The following GRAMD1B variants were observed in gnomAD, a reference collection of about 807,000 sequenced individuals.
The protein encoded by GRAMD1B is protein Aster-B.
Under a neutral mutation model 99.7 loss-of-function variants are expected in GRAMD1B, and 37 were observed. The observed-to-expected ratio is 0.37, with a 90% CI of 0.29 to 0.49. The LOEUF is 0.49. Among genes scored for constraint, GRAMD1B ranks in the 20% least tolerant of loss-of-function variants. The probability of loss-of-function intolerance (pLI) is 0.98; values close to 1 mark genes in which losing one functional copy is unlikely to be tolerated. For synonymous variants in GRAMD1B, 427 were observed against 387.6 expected (o/e 1.10, Z -1.19); for missense variants, 888 against 1,009.2 (o/e 0.88, Z 1.63).
At chr11:123,389,846 A>G (rs1031426855) in intron 1 of GRAMD1B, among the ~76,000 whole-genome samples, 1 of 151,996 alleles carries the variant, frequency 6.6e-6, no homozygotes, top group African/African-American at 2.4e-5. Context: ...CCTGGGTTCA[A>G]GCGATTCTTG....
chr11:123,394,184 AAATCC>A (rs1258318035), intron 1 of GRAMD1B, among the ~76,000 whole-genome samples: 1 of 152,254 alleles, frequency 6.6e-6, no homozygotes, highest in African/African-American at 2.4e-5. Flanking sequence ...CTGCCTTGAG[AAATCC>A]AGGACATATG....
chr11:123,419,357 T>C (rs1948341592), intron 1 of GRAMD1B, among the ~76,000 whole-genome samples: 1 of 152,166 alleles, frequency 6.6e-6, no homozygotes, highest in Non-Finnish European at 1.5e-5. Flanking sequence ...CTACTGGACA[T>C]GGTGGTTCAT....
In GRAMD1B at chr11:123,591,126, G is replaced by A. The variant is rs1372683644; in HGVS notation, c.685-2956G>A. On this transcript the variant is annotated intron_variant, in intron 4 of 19. Transcript: ENST00000635736. This position sits in a 1 kb window ranked among gnomAD's most constrained non-coding sequence, Gnocchi z 4.7. The stretch of plus-strand genomic sequence containing the variant: ...TGCCCGTGGACCAGCCGAGAAGAAA[G>A]CAGAGCCCGCCATGGGAGACTGGCT... 7 of 294,514 alleles carry A rather than the reference G, an allele frequency of 2.4e-5. No homozygotes were observed. Among genetic ancestry groups the A allele is most frequent in the Non-Finnish European group, 4.4e-5 (7 of 160,438 alleles). 18.2% of individuals were successfully genotyped at this position (294,514 alleles called of 1,614,324 possible). A position where few individuals can be genotyped will look rare whatever the true frequency, so the allele number is the denominator to read the frequency against.
intron 1 of GRAMD1B, among the ~76,000 whole-genome samples, chr11:123,411,516 T>G (rs989204956): frequency 1.3e-5 from 2 of 152,206 alleles, no homozygotes; most frequent in East Asian, 1.9e-4. Context: ...TGGTATTATT[T>G]AGGTTTGATG....
intron 1 of GRAMD1B, among the ~76,000 whole-genome samples, chr11:123,402,519 G>A (rs1947703743): frequency 2.0e-5 from 3 of 152,192 alleles, no homozygotes; most frequent in Non-Finnish European, 1.5e-5. Flanking sequence ...AGCAAGGCAG[G>A]CATTCTTATT....
At chr11:123,446,600 C>T (rs889458974) in intron 1 of GRAMD1B, among the ~76,000 whole-genome samples, 1 of 152,204 alleles carries the variant, frequency 6.6e-6, no homozygotes, top group Admixed American at 6.5e-5. Flanking sequence ...AAATTTCTCT[C>T]TCTCTGAAGT....
At chr11:123,529,613 C>T (rs746480383) in intron 2 of GRAMD1B, among the ~76,000 whole-genome samples, 34 of 152,156 alleles carry the variant, frequency 2.2e-4, no homozygotes, top group Non-Finnish European at 4.3e-4. Flanking sequence ...GATGGGACTG[C>T]GGCCCAAGAC....
chr11:123,500,296 T>C (rs1939724772), intron 2 of GRAMD1B, among the ~76,000 whole-genome samples: 2 of 152,132 alleles, frequency 1.3e-5, no homozygotes, highest in South Asian at 4.1e-4. Context: ...AGTCCAGCCT[T>C]AGGTGACAGA....
At chr11:123,395,002 G>A (rs1489974630) in intron 1 of GRAMD1B, among the ~76,000 whole-genome samples, 3 of 152,144 alleles carry the variant, frequency 2.0e-5, no homozygotes, top group Admixed American at 1.3e-4. Flanking sequence ...CACCTCTTAA[G>A]GTTCCCACTT....
At chr11:123,458,854 T>C (rs933474107) in intron 1 of GRAMD1B, 1 of 152,190 alleles carries the variant, frequency 6.6e-6, no homozygotes, top group African/African-American at 2.4e-5. Flanking sequence ...TGCAAATGGG[T>C]AGTTCCAGGT....
chr11:123,560,068 C>T (rs866092121), intron 2 of GRAMD1B, among the ~76,000 whole-genome samples: 7 of 91,300 alleles, frequency 7.7e-5, no homozygotes, highest in Admixed American at 2.8e-4. Context: ...GGAAATAACC[C>T]CCCCCCCCGC....
intron 4 of GRAMD1B, among the ~76,000 whole-genome samples, chr11:123,585,198 A>T (rs569867670): frequency 1.3e-5 from 2 of 152,342 alleles, no homozygotes; most frequent in South Asian, 4.1e-4. Context: ...CTGCTGCAGC[A>T]GGAGATATGG....
intron 7 of GRAMD1B, chr11:123,598,658 G>A (rs1592207695): frequency 2.3e-5 from 28 of 1,229,842 alleles, no homozygotes; most frequent in Non-Finnish European, 3.0e-5. Flanking sequence ...CTAAGAGAGC[G>A]GATTTCAATC....
intron 17 of GRAMD1B, chr11:123,618,485 C>A: frequency 3.5e-6 from 3 of 868,720 alleles, no homozygotes; most frequent in South Asian, 1.4e-5. Context: ...TCCCATGCCC[C>A]TCTCCATGGC....
chr11:123,450,305 C>T (rs935098359), intron 1 of GRAMD1B, among the ~76,000 whole-genome samples: 1 of 152,152 alleles, frequency 6.6e-6, no homozygotes, highest in African/African-American at 2.4e-5. Context: ...GATTCCAGGT[C>T]AGGGCAACAG....
At chr11:123,521,064 C>T (rs1377084109) in intron 2 of GRAMD1B, among the ~76,000 whole-genome samples, 1 of 152,104 alleles carries the variant, frequency 6.6e-6, no homozygotes, top group African/African-American at 2.4e-5. Flanking sequence ...TTCGTGCATG[C>T]CTCTGAATGT....
At chr11:123,407,381 G>A (rs1008064582) in intron 1 of GRAMD1B, among the ~76,000 whole-genome samples, 3 of 152,080 alleles carry the variant, frequency 2.0e-5, no homozygotes, top group Non-Finnish European at 2.9e-5. Context: ...CTCAGGAAAC[G>A]GATGAGAAAC....
chr11:123,573,492 G>A (rs190280237), intron 2 of GRAMD1B, among the ~76,000 whole-genome samples: 3 of 152,212 alleles, frequency 2.0e-5, no homozygotes, highest in Non-Finnish European at 2.9e-5. Context: ...TCTGTCCACC[G>A]GGCAAACAAA....
At chr11:123,401,412 A>G (rs6590002) in intron 1 of GRAMD1B, among the ~76,000 whole-genome samples, 65,545 of 151,934 alleles carry the variant, frequency 0.43, 14,365 homozygotes, top group African/African-American at 0.53. Flanking sequence ...GTAGGCAGGC[A>G]TGGGCTGTTG....
Sources: gnomAD v4.1 joint callset for allele counts (sites outside exome capture counted in the v4.1 genomes callset) on GRCh38, gnomAD v4.1.1 for gene constraint, Gnocchi (gnomAD v3.1) non-coding constraint, MANE v1.5 for transcripts, NCBI Gene and HGNC (gene_info 2026-07-23, HGNC 2026-07-21) for gene names.